The following MYL1 variants were observed in gnomAD, a reference collection of about 807,000 sequenced individuals.
The protein encoded by MYL1 is myosin light chain 1, also known as myosin light chain 1/3, skeletal muscle isoform.
MYL1 carries 16 observed loss-of-function variants against 21.8 expected under a neutral mutation model. The observed-to-expected ratio is 0.74, with a 90% CI of 0.50 to 1.12. MYL1 has a LOEUF of 1.12. Ranked by LOEUF, MYL1 falls within the 50% of genes most tolerant of loss-of-function variation. The probability of loss-of-function intolerance (pLI) is 0.00; values close to 1 mark genes in which losing one functional copy is unlikely to be tolerated. For missense variants in MYL1, 246 were observed against 241.0 expected (o/e 1.02, Z -0.14); for synonymous variants, 99 against 85.2 (o/e 1.16, Z -0.89).
At chr2:210,294,568 G>T in intron 3 of MYL1, 150 bp from the exon 4 acceptor site, 1 of 712,862 alleles carries the variant, frequency 1.4e-6, no homozygotes, top group Non-Finnish European at 2.3e-6. Context: ...TCAAGAATAT[G>T]GTAATAGTTA....
At chr2:210,290,962 G>C (rs1690065744) in intron 6 of MYL1, 70 bp downstream of exon 6, 2 of 978,406 alleles carry the variant, frequency 2.0e-6, no homozygotes, top group East Asian at 5.0e-5. Flanking sequence ...CATATAAACT[G>C]AAGCTGTCAA....
intron 2 of MYL1, among the ~76,000 whole-genome samples, chr2:210,301,916 G>A (rs1690270325): frequency 6.6e-6 from 1 of 152,054 alleles, no homozygotes; most frequent in Non-Finnish European, 1.5e-5. Flanking sequence ...CACCTCTCTG[G>A]AGTCTGTCTT....
chr2:210,315,125 T>C lies in MYL1; in HGVS notation c.-83A>G. ...AAAATGATTCTTGGAAGAGGAGTGGTGGTTGGGTTGATCCACAGCCCAGTG... is the reference window on the plus strand; with the variant it reads ...AAAATGATTCTTGGAAGAGGAGTGGCGGTTGGGTTGATCCACAGCCCAGTG... On this transcript the variant is annotated 5_prime_UTR_variant, in exon 1 of 7. Transcript: ENST00000352451. 2 of 1,538,864 alleles carry C rather than the reference T, an allele frequency of 1.3e-6. No homozygotes were observed. The highest frequency in any genetic ancestry group is 2.3e-4 in the Middle Eastern group (1 of 4,414).
chr2:210,294,140 T>C, intron 4 of MYL1, 105 bp downstream of exon 4: 2 of 1,214,892 alleles, frequency 1.6e-6, no homozygotes, highest in Non-Finnish European at 2.2e-6. Context: ...TTTCCCATTT[T>C]CCCTTTGTAG....
Position 210,306,523 on chromosome 2 carries a change from C to T in MYL1, c.133-4008G>A, listed in dbSNP as rs185330326. ...TGTTTCACCCTAGTCTTTCTCCATA[C>T]CTTTATCACATAGAGAATGCATTTA... On this transcript the variant is annotated intron_variant, in intron 1 of 6. Transcript: ENST00000352451. Among the ~76,000 whole-genome samples the T allele has an allele frequency of 5.4e-3, 821 of 152,246 alleles. 10 individuals carry two copies. The highest frequency in any genetic ancestry group is 0.019 in the African/African-American group (777 of 41,552).
intron 1 of MYL1, among the ~76,000 whole-genome samples, chr2:210,306,769 G>C (rs1377125042): frequency 2.0e-5 from 3 of 151,524 alleles, no homozygotes; most frequent in Non-Finnish European, 4.4e-5. Flanking sequence ...CCAGGCTGGA[G>C]TAAAATGGCG....
intron 1 of MYL1, chr2:210,303,721 T>C: frequency 1.3e-6 from 1 of 748,166 alleles, no homozygotes; most frequent in Non-Finnish European, 2.0e-6. Context: ...GAGAGTTCTT[T>C]AGCTTTCTTA....
chr2:210,308,764 A>G (rs1690376562), intron 1 of MYL1, among the ~76,000 whole-genome samples: 1 of 152,000 alleles, frequency 6.6e-6, no homozygotes, highest in South Asian at 2.1e-4. Context: ...CATGATTAAT[A>G]ATTGGTAAAG....
intron 3 of MYL1, among the ~76,000 whole-genome samples, chr2:210,297,003 G>A (rs1455514037): frequency 7.1e-6 from 1 of 139,990 alleles, no homozygotes; most frequent in East Asian, 2.0e-4. Context: ...GTGTGTGTGT[G>A]TGTGTGTGTG....
intron 3 of MYL1, 87 bp from the exon 4 acceptor site, chr2:210,294,505 T>C (rs1690142585): frequency 7.6e-7 from 1 of 1,307,780 alleles, no homozygotes; most frequent in Non-Finnish European, 1.1e-6. Flanking sequence ...TATTCTAGGT[T>C]ATCTGAAAAA....
intron 4 of MYL1, among the ~76,000 whole-genome samples, 188 bp from the exon 5 acceptor site, chr2:210,293,988 A>G (rs1465662526): frequency 6.6e-6 from 1 of 152,226 alleles, no homozygotes; most frequent in Admixed American, 6.5e-5. Context: ...AATACACATT[A>G]TCTGTTGTCA....
intron 3 of MYL1, among the ~76,000 whole-genome samples, chr2:210,297,008 T>C (rs1345281602): frequency 7.1e-6 from 1 of 140,330 alleles, no homozygotes; most frequent in Admixed American, 7.0e-5. Context: ...TGTGTGTGTG[T>C]GTGTGTGTAC....
At chr2:210,312,959 C>T (rs1690438534) in intron 1 of MYL1, among the ~76,000 whole-genome samples, 1 of 151,832 alleles carries the variant, frequency 6.6e-6, no homozygotes, top group African/African-American at 2.4e-5. Context: ...AACATATTGA[C>T]AGACGAATGT....
Position 210,307,886 on chromosome 2 carries a change from G to T in MYL1, c.133-5371C>A, listed in dbSNP as rs116309308. Among the ~76,000 whole-genome samples the T allele has an allele frequency of 6.3e-3, 964 of 152,172 alleles. 15 individuals carry two copies. The highest frequency in any genetic ancestry group is 0.022 in the African/African-American group (923 of 41,538). On this transcript the variant is annotated intron_variant, in intron 1 of 6. Coordinates refer to ENST00000352451, the MANE Select transcript of MYL1 (RefSeq NM_079420.3). ...ATTACTTTTGTACCAACCTAACAAA[G>T]AATTGAGTTATAGAAAAAATATTAA... is the stretch of plus-strand genomic sequence containing the variant.
At chr2:210,312,713 T>A (rs560981927) in intron 1 of MYL1, among the ~76,000 whole-genome samples, 54 of 151,892 alleles carry the variant, frequency 3.6e-4, no homozygotes, top group Non-Finnish European at 7.2e-4. Context: ...GCCTTCTGGA[T>A]GGAAGATAAA....
chr2:210,299,774 T>G (rs1690235586), intron 2 of MYL1, among the ~76,000 whole-genome samples: 1 of 152,194 alleles, frequency 6.6e-6, no homozygotes, highest in Non-Finnish European at 1.5e-5. Context: ...AAAGTACTGC[T>G]GATGACTTCC....
In MYL1 at chr2:210,291,024, G is replaced by C. The variant is rs201058964; in HGVS notation, c.*14+8C>G. 1 of 1,589,434 alleles carries C rather than the reference G, an allele frequency of 6.3e-7. No individual in the cohort carries two copies. The highest frequency in any genetic ancestry group is 2.2e-5 in the East Asian group (1 of 44,600). On this transcript the variant is annotated splice_region_variant and intron_variant, in intron 6 of 6. Transcript: ENST00000352451. ...TCCTTAAATATTAAAGAGGGAACTG[G>C]TATATACCTTGAGAGCTCCATTCAG...
intron 1 of MYL1, among the ~76,000 whole-genome samples, chr2:210,307,314 C>T (rs1690352868): frequency 6.6e-6 from 1 of 152,144 alleles, no homozygotes; most frequent in Non-Finnish European, 1.5e-5. Context: ...CTGTAACTCT[C>T]TATAGAATAC....
At chr2:210,311,849 G>T (rs1443138837) in intron 1 of MYL1, among the ~76,000 whole-genome samples, 1 of 151,924 alleles carries the variant, frequency 6.6e-6, no homozygotes, top group African/African-American at 2.4e-5. Flanking sequence ...AGAGTGCTTA[G>T]AACCACCAAG....
Sources: allele counts gnomAD v4.1 joint callset (sites outside exome capture counted in the v4.1 genomes callset), GRCh38; gene constraint gnomAD v4.1.1; transcripts MANE v1.5; gene names NCBI Gene and HGNC (gene_info 2026-07-23, HGNC 2026-07-21).